MOSMO: variants seen among roughly 807,000 people sequenced by gnomAD.
MOSMO encodes modulator of smoothened protein.
MOSMO carries 5 observed loss-of-function variants against 18.4 expected under a neutral mutation model. The ratio of observed to expected loss-of-function variants is 0.27; its 90% CI spans 0.14 to 0.57. MOSMO has a LOEUF of 0.57. MOSMO is among the 20% of genes least tolerant of loss of function. The pLI, the probability that MOSMO is intolerant of heterozygous loss-of-function variation, is 0.92. For synonymous variants in MOSMO, 82 were observed against 82.3 expected (o/e 1.00, Z 0.02); for missense variants, 138 against 211.8 (o/e 0.65, Z 2.16).
At chr16:22,087,304 G>A (rs935388946), downstream of MOSMO, 2 of 152,142 alleles carry the variant, frequency 1.3e-5, no homozygotes, top group African/African-American at 4.8e-5. Context: ...TCGAGGATTT[G>A]ATCTCATTTT....
At chr16:22,032,721 AT>A (rs1900021348) in intron 1 of MOSMO, among the ~76,000 whole-genome samples, 1 of 151,548 alleles carries the variant, frequency 6.6e-6, no homozygotes, top group African/African-American at 2.4e-5. Context: ...TAACTTTTTA[AT>A]TTTTTTATAG....
At chr16:22,011,117 G>A (rs1334631644) in intron 1 of MOSMO, among the ~76,000 whole-genome samples, 1 of 152,136 alleles carries the variant, frequency 6.6e-6, no homozygotes, top group East Asian at 1.9e-4. Context: ...GCTTGCCAAC[G>A]GTGATAAGTA....
At chr16:22,035,875 A>G (rs1473889469) in intron 1 of MOSMO, among the ~76,000 whole-genome samples, 1 of 151,996 alleles carries the variant, frequency 6.6e-6, no homozygotes, top group Non-Finnish European at 1.5e-5. Context: ...ACTTTTTTGT[A>G]GTTGTTTGCT....
chr16:22,070,954 G>A (rs1217018718), intron 1 of MOSMO, among the ~76,000 whole-genome samples: 1 of 152,056 alleles, frequency 6.6e-6, no homozygotes, highest in African/African-American at 2.4e-5. Context: ...AATTTCTTCA[G>A]CCAGCCCATT....
At chr16:22,038,274 A>G (rs1470615371) in intron 1 of MOSMO, among the ~76,000 whole-genome samples, 1 of 152,226 alleles carries the variant, frequency 6.6e-6, no homozygotes, top group Admixed American at 6.5e-5. Context: ...GTAAAGTAGG[A>G]GCCTCATTCA....
intron 1 of MOSMO, among the ~76,000 whole-genome samples, chr16:22,048,003 A>G (rs1309674821): frequency 6.6e-6 from 1 of 152,190 alleles, no homozygotes; most frequent in East Asian, 1.9e-4. Context: ...CAGGGAAGAA[A>G]GTGGCCTGAT....
At chr16:22,034,581 C>T (rs1900063686) in intron 1 of MOSMO, among the ~76,000 whole-genome samples, 1 of 151,976 alleles carries the variant, frequency 6.6e-6, no homozygotes, top group Non-Finnish European at 1.5e-5. Context: ...TAATTCTTAT[C>T]TTTGCTCTTC....
At chr16:22,091,650 C>G (rs1239034746), downstream of MOSMO, among the ~76,000 whole-genome samples, 1 of 152,146 alleles carries the variant, frequency 6.6e-6, no homozygotes, top group Non-Finnish European at 1.5e-5. Context: ...CTCAGCCTCC[C>G]AAAGTGCTGG....
downstream of MOSMO, among the ~76,000 whole-genome samples, chr16:22,086,612 G>A (rs1260313886): frequency 6.6e-6 from 1 of 152,164 alleles, no homozygotes; most frequent in Non-Finnish European, 1.5e-5. Context: ...ACTTACGTGA[G>A]CCTTGGTTTT....
At chr16:22,033,676 C>T (rs1052156439) in intron 1 of MOSMO, among the ~76,000 whole-genome samples, 2 of 151,340 alleles carry the variant, frequency 1.3e-5, no homozygotes, top group East Asian at 2.0e-4. Flanking sequence ...AAAAATCACC[C>T]GGGCATGGTG....
At chr16:22,024,448 T>G (rs191499761) in intron 1 of MOSMO, among the ~76,000 whole-genome samples, 1 of 151,706 alleles carries the variant, frequency 6.6e-6, no homozygotes, top group Non-Finnish European at 1.5e-5. Flanking sequence ...CACTGCCACC[T>G]CCACCTCCAG....
chr16:22,074,871 A>G (rs1189372665), intron 1 of MOSMO, among the ~76,000 whole-genome samples: 1 of 152,246 alleles, frequency 6.6e-6, no homozygotes, highest in Admixed American at 6.5e-5. Context: ...TTTGGGACAG[A>G]GGGCCCTCCT....
At chr16:22,063,044 G>C (rs1014963298) in intron 1 of MOSMO, among the ~76,000 whole-genome samples, 2 of 152,016 alleles carry the variant, frequency 1.3e-5, no homozygotes, top group Non-Finnish European at 2.9e-5. Context: ...AGTAGAGGTG[G>C]GGTTTCACCA....
chr16:22,045,030 A>G (rs1367716167), intron 1 of MOSMO, among the ~76,000 whole-genome samples: 2 of 151,852 alleles, frequency 1.3e-5, no homozygotes, highest in African/African-American at 4.8e-5. Context: ...ACAAAAAAAA[A>G]AAAAATTAGC....
intron 1 of MOSMO, among the ~76,000 whole-genome samples, chr16:22,048,586 C>A (rs537885284): frequency 2.0e-4 from 31 of 152,152 alleles, no homozygotes; most frequent in Non-Finnish European, 3.8e-4. Context: ...CATATTTAAT[C>A]TTTTGAGGTT....
chr16:22,010,089 G>GA (rs1597991625), intron 1 of MOSMO, among the ~76,000 whole-genome samples: 1 of 152,204 alleles, frequency 6.6e-6, no homozygotes, highest in East Asian at 1.9e-4. Flanking sequence ...TTAGCTCTTA[G>GA]AAAAAAAGTG....
downstream of MOSMO, among the ~76,000 whole-genome samples, chr16:22,091,374 C>T (rs949760194): frequency 6.6e-6 from 1 of 152,078 alleles, no homozygotes; most frequent in Non-Finnish European, 1.5e-5. Context: ...ATGATGACTA[C>T]CACAAGTGGC....
intron 1 of MOSMO, chr16:22,064,246 T>A: frequency 2.2e-6 from 1 of 454,630 alleles, no homozygotes; most frequent in South Asian, 1.6e-5. Context: ...ATGTTTAGTC[T>A]TTTTGTTAAA....
intron 1 of MOSMO, among the ~76,000 whole-genome samples, chr16:22,056,295 G>A (rs1172494963): frequency 1.3e-5 from 2 of 148,718 alleles, no homozygotes; most frequent in Non-Finnish European, 3.0e-5. Flanking sequence ...GACATTAATT[G>A]TCAATTCTGT....
Sources: allele counts gnomAD v4.1 joint callset (sites outside exome capture counted in the v4.1 genomes callset), GRCh38; gene constraint gnomAD v4.1.1; transcripts MANE v1.5; gene names NCBI Gene and HGNC (gene_info 2026-07-23, HGNC 2026-07-21).